Variants in LMF1 observed in about 807,000 individuals in gnomAD.
LMF1 encodes lipase maturation factor 1.
In LMF1, 68 loss-of-function variants were observed where a neutral mutation model predicts 60.6. The observed-to-expected ratio is 1.12, with a 90% CI of 0.92 to 1.37. The LOEUF (loss-of-function observed/expected upper bound fraction) is 1.37, where lower values mean the gene tolerates loss of function less well. Ranked by LOEUF, LMF1 falls within the 40% of genes most tolerant of loss-of-function variation. The probability of loss-of-function intolerance (pLI) is 0.00; values close to 1 mark genes in which losing one functional copy is unlikely to be tolerated. For missense variants in LMF1, 948 were observed against 767.2 expected, an observed-to-expected ratio of 1.24 and a Z score of -2.78; for synonymous variants, 418 against 324.7, an observed-to-expected ratio of 1.29 and a Z score of -3.09.
chr16:942,936 T>A (rs891148709), intron 2 of LMF1, among the ~76,000 whole-genome samples: 17 of 152,386 alleles, frequency 1.1e-4, no homozygotes, highest in African/African-American at 3.6e-4. Flanking sequence ...TTAGCTTGGA[T>A]AATTTCTACA....
chr16:889,749 A>G (rs970175008), intron 5 of LMF1, among the ~76,000 whole-genome samples: 2 of 152,186 alleles, frequency 1.3e-5, no homozygotes, highest in Admixed American at 1.3e-4. Flanking sequence ...TTCCGGAATC[A>G]GGTCCTCCTT....
At chr16:857,271 G>A (rs866569131) in intron 10 of LMF1, among the ~76,000 whole-genome samples, 5 of 152,258 alleles carry the variant, frequency 3.3e-5, no homozygotes, top group African/African-American at 9.6e-5. Context: ...TGGCTTAAAC[G>A]TCCATGGAAG....
At chr16:955,805 C>T (rs2072685228) in intron 1 of LMF1, among the ~76,000 whole-genome samples, 1 of 152,270 alleles carries the variant, frequency 6.6e-6, no homozygotes, top group South Asian at 2.1e-4. Context: ...TTATGAAACA[C>T]ACCCTGAGGA....
At position 955,811 on chromosome 16, in the gene LMF1, G is replaced by A. The variant is rs2072685555; in HGVS notation, c.194-1145C>T. On this transcript the variant is annotated intron_variant, in intron 1 of 10. Transcript: ENST00000262301. ...CATTCACCATTATGAAACACACCCT[G>A]AGGACCCTGGCTCTGGTCAACGGCA... 2.6e-5 allele frequency among the ~76,000 whole-genome samples: 4 copies of A among 151,256 alleles called. 1 individual carries two copies. In the South Asian group the frequency reaches 8.4e-4, roughly 32 times the overall value.
chr16:972,827 C>G (rs2073076096), upstream of LMF1, among the ~76,000 whole-genome samples: 1 of 152,364 alleles, frequency 6.6e-6, no homozygotes, highest in Non-Finnish European at 1.5e-5. Context: ...AGGGTGGGAG[C>G]AGTCAGCGGA....
At chr16:938,073 G>C (rs1294940384) in intron 2 of LMF1, among the ~76,000 whole-genome samples, 2 of 152,098 alleles carry the variant, frequency 1.3e-5, no homozygotes, top group Non-Finnish European at 1.5e-5. Context: ...GGGCGCCTTT[G>C]GGTGAGAGCA....
intron 10 of LMF1, among the ~76,000 whole-genome samples, chr16:859,152 GC>G (rs67611442): frequency 1.0e-3 from 111 of 110,334 alleles, no homozygotes; most frequent in African/African-American, 2.5e-3. Context: ...GGACGGGTGT[GC>G]AGTGGTGTCT....
intron 2 of LMF1, among the ~76,000 whole-genome samples, chr16:937,485 C>G (rs1230322678): frequency 3.3e-5 from 5 of 152,092 alleles, no homozygotes. Flanking sequence ...GCTGGGGTCT[C>G]TGTTGACTGA....
In LMF1 at chr16:893,053, C is replaced by A. The variant is rs754772870; in HGVS notation, c.683G>T (p.Gly228Val). 20 of 1,553,820 alleles carry A rather than the reference C, an allele frequency of 1.3e-5. No homozygotes were observed. The East Asian group carries it at 2.2e-4, about 17-fold the overall frequency. Residue 228 changes from glycine to valine, a missense_variant, in exon 5 of 11, where the codon GGG becomes GTG. Coordinates refer to ENST00000262301, the MANE Select transcript of LMF1 (RefSeq NM_022773.4). Reference protein sequence around the residue: ...MLGAGLIKIRGDRCWRDLTCM... With the variant: ...MLGAGLIKIRVDRCWRDLTCM... ...GGTGAGGTCTCGCCAGCACCGGTCC[C>A]CCCGGATCTTGATCAGGCCCTGCAA...
chr16:912,734 C>T (rs980553379), intron 3 of LMF1, among the ~76,000 whole-genome samples: 3 of 152,316 alleles, frequency 2.0e-5, no homozygotes, highest in African/African-American at 4.8e-5. Flanking sequence ...CTGGGCCTTG[C>T]GGACACCCTG....
At chr16:976,920 G>C (rs919943898) in intron 1 of LMF1, 3 of 454,034 alleles carry the variant, frequency 6.6e-6, no homozygotes, top group Non-Finnish European at 1.3e-5. Context: ...CGGATCAGGA[G>C]GCTCCCAGTG....
chr16:870,596 G>C, intron 8 of LMF1, 133 bp downstream of exon 8: 2 of 1,039,154 alleles, frequency 1.9e-6, no homozygotes, highest in Admixed American at 1.9e-5. Context: ...CCTGTGCCTG[G>C]GTCAGGCTGG....
rs60283096 is a variant in LMF1, at chr16:945,211, C to CAAAA, written c.503+9142_503+9145dup. On this transcript the variant is annotated intron_variant, in intron 2 of 10. Transcript: ENST00000262301. ...GGGCGACAAGAGCGAGACTCCATCT[C>CAAAA]AAAAAAAAAAAAAAAAAGGAAAATA... Among the ~76,000 whole-genome samples, 161 of 79,002 alleles carry CAAAA rather than the reference C, an allele frequency of 2.0e-3. 3 individuals carry two copies. Among genetic ancestry groups the CAAAA allele is most frequent in the African/African-American group, 9.0e-3 (155 of 17,198 alleles). The allele number at this position is 79,002 out of a possible 152,430, so 51.8% of individuals were successfully genotyped here.
chr16:970,700 G>T, intron 1 of LMF1, 88 bp downstream of exon 1: 2 of 1,268,018 alleles, frequency 1.6e-6, no homozygotes, highest in Non-Finnish European at 2.1e-6. Flanking sequence ...GCGGCCGCGA[G>T]ACCGCGCGGA....
intron 1 of LMF1, among the ~76,000 whole-genome samples, 167 bp downstream of exon 1, chr16:970,621 G>C (rs1423686855): frequency 1.3e-5 from 2 of 152,072 alleles, no homozygotes; most frequent in African/African-American, 2.4e-5. Context: ...TCGCCAGCAA[G>C]CCTTGTCCTG....
At chr16:898,767 C>T (rs754314918) in intron 4 of LMF1, among the ~76,000 whole-genome samples, 3 of 152,358 alleles carry the variant, frequency 2.0e-5, no homozygotes, top group Non-Finnish European at 4.4e-5. Flanking sequence ...AAGTTGCTGC[C>T]CTAGTCACCA....
intron 5 of LMF1, among the ~76,000 whole-genome samples, chr16:890,119 T>C (rs1460157410): frequency 6.6e-6 from 1 of 152,204 alleles, no homozygotes; most frequent in Non-Finnish European, 1.5e-5. Context: ...CTGCTCCGTC[T>C]GTCGAGTGGA....
At chr16:879,801 C>A in intron 5 of LMF1, 64 bp from the exon 6 acceptor site, 1 of 1,487,574 alleles carries the variant, frequency 6.7e-7, no homozygotes, top group South Asian at 1.2e-5. Context: ...TAGGGAGAGG[C>A]TTGTGGGTCC....
intron 6 of LMF1, chr16:873,613 A>ACCCC: frequency 5.1e-5 from 2 of 39,486 alleles, no homozygotes; most frequent in East Asian, 8.2e-4. Flanking sequence ...CGCCGAGGAC[A>ACCCC]TGCCTGTTCG....
Sources: gnomAD v4.1 joint callset for allele counts (sites outside exome capture counted in the v4.1 genomes callset) on GRCh38, gnomAD v4.1.1 for gene constraint, MANE v1.5 for transcripts, NCBI Gene and HGNC (gene_info 2026-07-23, HGNC 2026-07-21) for gene names.